The following DNMT3A variants were observed in gnomAD, a reference collection of about 807,000 sequenced individuals.
DNMT3A encodes DNA (cytosine-5)-methyltransferase 3A.
In DNMT3A, 267 loss-of-function variants were observed where a neutral mutation model predicts 117.6. The observed-to-expected ratio is 2.27, with a 90% CI of 2.05 to 2.51. The LOEUF is 2.51. Ranked by LOEUF, DNMT3A falls within the 30% of genes most tolerant of loss-of-function variation. The pLI, the probability that DNMT3A is intolerant of heterozygous loss-of-function variation, is 0.00. For missense variants in DNMT3A, 1,029 were observed against 1,260.2 expected, an observed-to-expected ratio of 0.82 and a Z score of 2.78; for synonymous variants, 432 against 474.8, an observed-to-expected ratio of 0.91 and a Z score of 1.17.
chr2:25,291,402 C>T (rs932066871), intron 3 of DNMT3A, among the ~76,000 whole-genome samples: 2 of 152,188 alleles, frequency 1.3e-5, no homozygotes, highest in African/African-American at 4.8e-5. Flanking sequence ...GTAGGGAGAG[C>T]CAGAGATGCC....
chr2:25,304,759 C>T lies in DNMT3A; in HGVS notation c.73-4516G>A, dbSNP rs1003534773. 6.6e-5 allele frequency among the ~76,000 whole-genome samples: 10 copies of T among 152,232 alleles called. No individual in the cohort carries two copies. The highest frequency in any genetic ancestry group is 2.2e-4 in the African/African-American group (9 of 41,456). ...TGTGGTCCCAACAGACAGCACCAAG[C>T]GCGAAAGCAAACTGCTTCCGGCCTC... On this transcript the variant is annotated intron_variant, in intron 2 of 22. Coordinates refer to ENST00000321117, the MANE Select transcript of DNMT3A (RefSeq NM_022552.5). The surrounding 1 kb of genome is among the most constrained non-coding windows in gnomAD (Gnocchi z 4.3).
At chr2:25,295,176 C>T (rs1226444171) in intron 3 of DNMT3A, among the ~76,000 whole-genome samples, 1 of 152,200 alleles carries the variant, frequency 6.6e-6, no homozygotes, top group Non-Finnish European at 1.5e-5. Context: ...CAGACACCCA[C>T]ACTTGTCACC....
Position 25,309,944 on chromosome 2 carries a change from T to A in DNMT3A, c.72+3969A>T, listed in dbSNP as rs372881746. ...CATGGCGGGCGCCTGTAGTCCCAGCTACTCAGGAGGCTGAGGCAGGAGAAT... is the reference window on the plus strand; with the variant it reads ...CATGGCGGGCGCCTGTAGTCCCAGCAACTCAGGAGGCTGAGGCAGGAGAAT... On this transcript the variant is annotated intron_variant, in intron 2 of 22. Transcript: ENST00000321117. 1.2e-4 allele frequency among the ~76,000 whole-genome samples: 18 copies of A among 151,886 alleles called. No homozygotes were observed. The East Asian group carries it at 2.1e-3, about 18-fold the overall frequency.
Position 25,236,449 on chromosome 2 carries a change from C to T in DNMT3A, c.2478+487G>A, listed in dbSNP as rs188134939. Among the ~76,000 whole-genome samples the T allele has an allele frequency of 3.9e-4, 59 of 152,298 alleles. No homozygotes were observed. Among genetic ancestry groups the T allele is most frequent in the Non-Finnish European group, 7.5e-4 (51 of 68,026 alleles). ...ATTAGTTCTTTCAGAGATGGAGTAACTTGTAGGCTAAAGGATGCCAAGTTA... is the reference window on the plus strand; with the variant it reads ...ATTAGTTCTTTCAGAGATGGAGTAATTTGTAGGCTAAAGGATGCCAAGTTA... On this transcript the variant is annotated intron_variant, in intron 21 of 22. Coordinates refer to ENST00000321117, the MANE Select transcript of DNMT3A (RefSeq NM_022552.5). The surrounding 1 kb of genome is among the most constrained non-coding windows in gnomAD (Gnocchi z 4.5).
In DNMT3A at chr2:25,252,392, G is replaced by GC. The variant is rs1675687405; in HGVS notation, c.640-4141dup. 1 of 577,566 alleles carries GC rather than the reference G, an allele frequency of 1.7e-6. No homozygotes were observed. Among genetic ancestry groups the GC allele is most frequent in the African/African-American group, 2.0e-5 (1 of 50,732 alleles). 35.8% of individuals were successfully genotyped at this position (577,566 alleles called of 1,614,324 possible). ...TTGTCTAGGACTCCAGGTCACGTGG[G>GC]CCCCGCTGGAGGGCCTGGTTGGCTG... On this transcript the variant is annotated intron_variant, in intron 6 of 22. Coordinates refer to ENST00000321117, the MANE Select transcript of DNMT3A (RefSeq NM_022552.5). The surrounding 1 kb of genome is among the most constrained non-coding windows in gnomAD (Gnocchi z 5.5).
Position 25,281,528 on chromosome 2 carries a change from A to G in DNMT3A, c.448+913T>C. Reference sequence around the variant, plus strand: ...AGGTTGGATCCATGCAAAATAAGTTACGCCAATTAATCAATTTACTCATTT... The same window carrying G: ...AGGTTGGATCCATGCAAAATAAGTTGCGCCAATTAATCAATTTACTCATTT... On this transcript the variant is annotated intron_variant, in intron 4 of 22. Transcript: ENST00000321117. The surrounding 1 kb of genome is among the most constrained non-coding windows in gnomAD (Gnocchi z 4.8). 9.4e-7 allele frequency: 1 copy of G among 1,059,952 alleles called. No homozygotes were observed. The highest frequency in any genetic ancestry group is 4.6e-5 in the South Asian group (1 of 21,956). The allele number at this position is 1,059,952 out of a possible 1,614,324, so 65.7% of individuals were successfully genotyped here.
In DNMT3A at chr2:25,293,741, G is replaced by A. The variant is rs2032923786; in HGVS notation, c.177+6398C>T. On this transcript the variant is annotated intron_variant, in intron 3 of 22. Coordinates refer to ENST00000321117, the MANE Select transcript of DNMT3A (RefSeq NM_022552.5). This position sits in a 1 kb window ranked among gnomAD's most constrained non-coding sequence, Gnocchi z 4.7. ...GGCTGGAGTGCAGTGGCACAATCTCGGCTCACTGCAACCTCTGCCTGCCCA... is the reference window on the plus strand; with the variant it reads ...GGCTGGAGTGCAGTGGCACAATCTCAGCTCACTGCAACCTCTGCCTGCCCA... Among the ~76,000 whole-genome samples, 1 of 152,024 alleles carries A rather than the reference G, an allele frequency of 6.6e-6. No individual in the cohort carries two copies. The highest frequency in any genetic ancestry group is 2.4e-5 in the African/African-American group (1 of 41,366).
At position 25,275,797 on chromosome 2, in the gene DNMT3A, C is replaced by T. The variant is rs559101436; in HGVS notation, c.449-254G>A. Among the ~76,000 whole-genome samples the T allele has an allele frequency of 7.2e-4, 109 of 152,314 alleles. No individual in the cohort carries two copies. The Middle Eastern group carries it at 0.031, about 43-fold the overall frequency. Reference sequence around the variant, plus strand: ...CTTGAGGCCCAGGCAAGAGGGAACACGAGGAAATTCAGAGCTGGGTTTCTG... The same window carrying T: ...CTTGAGGCCCAGGCAAGAGGGAACATGAGGAAATTCAGAGCTGGGTTTCTG... On this transcript the variant is annotated intron_variant, in intron 4 of 22. Transcript: ENST00000321117.
chr2:25,244,758 A>C (rs1244757328), intron 13 of DNMT3A, 106 bp from the exon 14 acceptor site: 5 of 923,596 alleles, frequency 5.4e-6, no homozygotes, highest in Non-Finnish European at 8.5e-6. Flanking sequence ...CCCTGAAGAC[A>C]TGACCCCGCC....
chr2:25,239,157 A>G lies in DNMT3A; in HGVS notation c.2381T>C (p.Phe794Ser), dbSNP rs1419173604. ...EVSAAHRARY[F>S]WGNLPGMNRP... The stretch of plus-strand genomic sequence containing the variant: ...GTTCATACCGGGAAGGTTACCCCAG[A>G]AGTAGCGGGCCCTGTGTGCAGCTGA... The change falls in exon 20 of 23, where the codon TTC becomes TCC. Residue 794 changes from phenylalanine (F) to serine (S), a missense_variant. Phe to Ser is a radical substitution (Grantham distance 155, BLOSUM62 -2). Transcript: ENST00000321117. The G allele has an allele frequency of 1.2e-6, 2 of 1,613,968 alleles. No homozygotes were observed. Among genetic ancestry groups the G allele is most frequent in the Non-Finnish European group, 1.7e-6 (2 of 1,179,964 alleles).
In DNMT3A at chr2:25,326,108, A is replaced by G. The variant is rs57004161; in HGVS notation, c.-177-11947T>C. ...CACATTTTCTATTAACTTGATATAT[A>G]TGTGTGTGTGTGTGTGTGTGTGTGT... is the stretch of plus-strand genomic sequence containing the variant. On this transcript the variant is annotated intron_variant, in intron 1 of 22. Transcript: ENST00000321117. Among the ~76,000 whole-genome samples, 1,240 of 142,336 alleles carry G rather than the reference A, an allele frequency of 8.7e-3. 10 individuals carry two copies. The highest frequency in any genetic ancestry group is 0.019 in the African/African-American group (734 of 38,008). The allele number at this position is 142,336 out of a possible 152,430, so 93.4% of individuals were successfully genotyped here. A position where few individuals can be genotyped will look rare whatever the true frequency, so the allele number is the denominator to read the frequency against.
At position 25,291,336 on chromosome 2, in the gene DNMT3A, C is replaced by G. The variant is rs1397800555; in HGVS notation, c.178-8625G>C. ...GCCCGCCCCCGCCCTTCCGGCAGCC[C>G]CCTTTCCCCTGGCGGCCCTCACCAG... On this transcript the variant is annotated intron_variant, in intron 3 of 22. Coordinates refer to ENST00000321117, the MANE Select transcript of DNMT3A (RefSeq NM_022552.5). Among the ~76,000 whole-genome samples, 13 of 152,236 alleles carry G rather than the reference C, an allele frequency of 8.5e-5. No individual in the cohort carries two copies. In the South Asian group the frequency reaches 1.0e-3, roughly 12 times the overall value.
intron 6 of DNMT3A, among the ~76,000 whole-genome samples, chr2:25,264,450 T>G (rs1205491803): frequency 6.6e-6 from 1 of 151,222 alleles, no homozygotes; most frequent in Admixed American, 6.6e-5. Context: ...AAAGGTTTTT[T>G]TTTTAAAAAG....
intron 1 of DNMT3A, among the ~76,000 whole-genome samples, chr2:25,333,417 C>T (rs1298431950): frequency 6.6e-6 from 1 of 152,168 alleles, no homozygotes; most frequent in Admixed American, 6.5e-5. Flanking sequence ...GCAACCTCCA[C>T]CTCCCGGGTT....
rs1573454276 is a variant in DNMT3A at position 25,299,868 on chromosome 2, T to G, written c.177+271A>C. On this transcript the variant is annotated intron_variant, in intron 3 of 22. Transcript: ENST00000321117. ...ACTGTTTGAACCCAGGAGGTGGAGG[T>G]TGCAGTAAGCCGAGATCACGCCACT... 2.0e-5 allele frequency among the ~76,000 whole-genome samples: 3 copies of G among 151,812 alleles called. No homozygotes were observed. The South Asian group carries it at 6.3e-4, about 32-fold the overall frequency.
rs987762399 is a variant in DNMT3A, at chr2:25,257,035, C to T, written c.640-8783G>A. ...TCCATTTCATAGCAGGAATTCTAATCGTTGCTACGAGGTCCCAGTCTACCA... is the reference window on the plus strand; with the variant it reads ...TCCATTTCATAGCAGGAATTCTAATTGTTGCTACGAGGTCCCAGTCTACCA... On this transcript the variant is annotated intron_variant, in intron 6 of 22. Coordinates refer to ENST00000321117, the MANE Select transcript of DNMT3A (RefSeq NM_022552.5). This position sits in a 1 kb window ranked among gnomAD's most constrained non-coding sequence, Gnocchi z 4.8. Among the ~76,000 whole-genome samples the T allele has an allele frequency of 1.3e-5, 2 of 152,212 alleles. No homozygotes were observed. The highest frequency in any genetic ancestry group is 2.4e-5 in the African/African-American group (1 of 41,442).
chr2:25,315,082 G>A lies in DNMT3A; in HGVS notation c.-177-921C>T, dbSNP rs536607870. Among the ~76,000 whole-genome samples the A allele has an allele frequency of 3.3e-5, 5 of 152,298 alleles. No individual in the cohort carries two copies. The South Asian group carries it at 1.0e-3, about 32-fold the overall frequency. ...TTGAGTGTGCCAGGGCCCAGGAGGG[G>A]ATTGGCAGGCAAGGGAGAGCGGGAG... On this transcript the variant is annotated intron_variant, in intron 1 of 22. Coordinates refer to ENST00000321117, the MANE Select transcript of DNMT3A (RefSeq NM_022552.5).
At chr2:25,245,924 C>T (rs758393012) in intron 12 of DNMT3A, 96 bp downstream of exon 12, 291 of 1,480,368 alleles carry the variant, frequency 2.0e-4, no homozygotes, top group Non-Finnish European at 2.6e-4. Context: ...CAGGACGTGG[C>T]CCCTGGTCCC....
At chr2:25,280,015 G>A (rs1031702830) in intron 4 of DNMT3A, among the ~76,000 whole-genome samples, 1 of 152,080 alleles carries the variant, frequency 6.6e-6, no homozygotes, top group African/African-American at 2.4e-5. Flanking sequence ...TGGAGGTCAA[G>A]GAGACTTAAA....
Sources: gnomAD v4.1 joint callset for allele counts (sites outside exome capture counted in the v4.1 genomes callset) on GRCh38, gnomAD v4.1.1 for gene constraint, Gnocchi (gnomAD v3.1) non-coding constraint, MANE v1.5 for transcripts, NCBI Gene and HGNC (gene_info 2026-07-23, HGNC 2026-07-21) for gene names.